STK32B: variants seen among roughly 807,000 people sequenced by gnomAD.
STK32B encodes serine/threonine kinase 32B.
STK32B carries 43 observed loss-of-function variants against 52.6 expected under a neutral mutation model. The observed-to-expected ratio is 0.82, with a 90% CI of 0.64 to 1.05. The LOEUF (loss-of-function observed/expected upper bound fraction) is 1.05. Among genes scored for constraint, STK32B ranks in the 50% least tolerant of loss-of-function variants. The pLI, the probability that STK32B is intolerant of heterozygous loss-of-function variation, is 0.00. For synonymous variants in STK32B, 238 were observed against 204.3 expected (o/e 1.17, Z -1.41); for missense variants, 621 against 534.6 (o/e 1.16, Z -1.59).
In STK32B at chr4:5,215,507, A is replaced by C. The variant is rs568043810; in HGVS notation, c.260+47057A>C. Among the ~76,000 whole-genome samples the C allele has an allele frequency of 1.6e-4, 24 of 152,300 alleles. No individual in the cohort carries two copies. The South Asian group carries it at 4.6e-3, about 29-fold the overall frequency. ...TTTCCTTTTGATTTCCAATAGAGGC[A>C]GTGTCTCCTCTTTAAGTCTCCTGGA... On this transcript the variant is annotated intron_variant, in intron 3 of 11. Transcript: ENST00000282908.
At chr4:5,062,517 G>T (rs1250669006) in intron 1 of STK32B, among the ~76,000 whole-genome samples, 1 of 152,018 alleles carries the variant, frequency 6.6e-6, no homozygotes, top group Non-Finnish European at 1.5e-5. Context: ...TGTTGTTGTT[G>T]TTTTTTTGAG....
intron 4 of STK32B, among the ~76,000 whole-genome samples, chr4:5,333,949 G>T (rs184636210): frequency 0.055 from 8,418 of 152,194 alleles, 271 homozygotes; most frequent in South Asian, 0.075. Context: ...GGATTGACTT[G>T]GCGATGCGAG....
At chr4:5,319,444 C>T (rs1313027839) in intron 3 of STK32B, among the ~76,000 whole-genome samples, 1 of 152,208 alleles carries the variant, frequency 6.6e-6, no homozygotes, top group Non-Finnish European at 1.5e-5. Context: ...CAAGGACTTT[C>T]TCCTGTTTCC....
chr4:5,020,180 G>C, the STK32B span, among the ~76,000 whole-genome samples: 80 of 152,322 alleles, frequency 5.3e-4, no homozygotes, highest in Non-Finnish European at 1.0e-3. Context: ...TAGTTTTCAA[G>C]AAGTGCATCT....
At chr4:5,299,543 T>C (rs1197124055) in intron 3 of STK32B, among the ~76,000 whole-genome samples, 1 of 152,208 alleles carries the variant, frequency 6.6e-6, no homozygotes, top group Non-Finnish European at 1.5e-5. Flanking sequence ...CATTGTTTAT[T>C]TTTGCTTGCT....
At chr4:5,284,813 G>T (rs917389438) in intron 3 of STK32B, among the ~76,000 whole-genome samples, 1 of 152,052 alleles carries the variant, frequency 6.6e-6, no homozygotes, top group Admixed American at 6.6e-5. Context: ...GTGATCTCTC[G>T]CAGCTCTTGT....
chr4:5,136,432 C>G (rs1716083744), intron 1 of STK32B, among the ~76,000 whole-genome samples: 1 of 152,230 alleles, frequency 6.6e-6, no homozygotes, highest in Non-Finnish European at 1.5e-5. Flanking sequence ...GAATGTACTT[C>G]ACCTCCAATC....
At chr4:5,195,738 G>A (rs2108769649) in intron 3 of STK32B, among the ~76,000 whole-genome samples, 1 of 152,270 alleles carries the variant, frequency 6.6e-6, no homozygotes, top group East Asian at 1.9e-4. Flanking sequence ...ATAATTCTGT[G>A]ACGTCCTGGA....
chr4:5,057,282 G>A (rs559960348), intron 1 of STK32B, among the ~76,000 whole-genome samples: 1 of 152,306 alleles, frequency 6.6e-6, no homozygotes, highest in African/African-American at 2.4e-5. Flanking sequence ...CTGTCCTTCA[G>A]TTTTGACCTT....
chr4:5,323,616 C>A (rs144667669), intron 3 of STK32B, among the ~76,000 whole-genome samples: 15 of 152,326 alleles, frequency 9.8e-5, no homozygotes, highest in African/African-American at 3.6e-4. Context: ...AACCCTCTAC[C>A]CTCTGTCTTT....
chr4:5,109,509 G>T (rs56401517), intron 1 of STK32B, among the ~76,000 whole-genome samples: 4 of 152,050 alleles, frequency 2.6e-5, no homozygotes, highest in Non-Finnish European at 4.4e-5. Flanking sequence ...TAGGAGCAAG[G>T]ACCGTGTGAT....
At chr4:5,049,401 G>A (rs1373255074), upstream of STK32B, among the ~76,000 whole-genome samples, 1 of 152,188 alleles carries the variant, frequency 6.6e-6, no homozygotes, top group Non-Finnish European at 1.5e-5. Flanking sequence ...CTTTGTGTGA[G>A]CAATAAAGCT....
chr4:5,444,073 C>A (rs1715089643), intron 6 of STK32B, among the ~76,000 whole-genome samples: 3 of 152,174 alleles, frequency 2.0e-5, no homozygotes, highest in African/African-American at 7.2e-5. Context: ...TGCCCTGCCC[C>A]CAGAGGTGGA....
chr4:5,029,903 A>C, the STK32B span, among the ~76,000 whole-genome samples: 13 of 152,152 alleles, frequency 8.5e-5, no homozygotes, highest in Non-Finnish European at 1.3e-4. Context: ...GAATTATGGG[A>C]GTGGTTTCCC....
chr4:5,270,579 A>G (rs1206076498), intron 3 of STK32B, among the ~76,000 whole-genome samples: 5 of 152,168 alleles, frequency 3.3e-5, no homozygotes, highest in African/African-American at 1.2e-4. Context: ...ACAGGTGTCT[A>G]CAGAAAAACT....
At chr4:5,389,928 A>G (rs1736495083) in intron 4 of STK32B, among the ~76,000 whole-genome samples, 1 of 152,154 alleles carries the variant, frequency 6.6e-6, no homozygotes, top group Admixed American at 6.5e-5. Flanking sequence ...TAGGAGATGC[A>G]GCTGCAGGAG....
At chr4:5,322,321 C>G (rs1171898422) in intron 3 of STK32B, among the ~76,000 whole-genome samples, 2 of 152,162 alleles carry the variant, frequency 1.3e-5, no homozygotes, top group Non-Finnish European at 2.9e-5. Context: ...TGAGGCTATT[C>G]TTAGCTCCTC....
At chr4:5,124,125 A>T (rs1715220771) in intron 1 of STK32B, among the ~76,000 whole-genome samples, 1 of 152,110 alleles carries the variant, frequency 6.6e-6, no homozygotes, top group South Asian at 2.1e-4. Flanking sequence ...GCATCCTCCC[A>T]GTTTGTTGGC....
At chr4:5,306,829 G>T (rs1017142164) in intron 3 of STK32B, among the ~76,000 whole-genome samples, 12 of 151,096 alleles carry the variant, frequency 7.9e-5, no homozygotes, top group South Asian at 6.3e-4. Context: ...TGTAATGCTG[G>T]CTTGGTAGTG....
Sources: gnomAD v4.1 joint callset for allele counts (sites outside exome capture counted in the v4.1 genomes callset) on GRCh38, gnomAD v4.1.1 for gene constraint, MANE v1.5 for transcripts, NCBI Gene and HGNC (gene_info 2026-07-23, HGNC 2026-07-21) for gene names.